The following KDM1B variants were observed in gnomAD, a reference collection of about 807,000 sequenced individuals.
KDM1B encodes the protein lysine demethylase 1B.
In KDM1B, 63 loss-of-function variants were observed where a neutral mutation model predicts 107.4. The ratio of observed to expected loss-of-function variants is 0.59; its 90% CI spans 0.48 to 0.72. The LOEUF (loss-of-function observed/expected upper bound fraction) is 0.72. Ranked by LOEUF, KDM1B falls within the 30% of genes least tolerant of loss-of-function variation. The pLI is 0.00. For missense variants in KDM1B, 749 were observed against 1,020.8 expected (o/e 0.73, Z 3.63); for synonymous variants, 363 against 363.9 (o/e 1.00, Z 0.03).
intron 7 of KDM1B, among the ~76,000 whole-genome samples, chr6:18,183,795 A>G: frequency 6.6e-6 from 1 of 152,006 alleles, no homozygotes; most frequent in East Asian, 1.9e-4. Flanking sequence ...TTAGAATTAC[A>G]TTGTGTGAAC....
At chr6:18,187,651 T>A in intron 8 of KDM1B, 141 bp from the exon 9 acceptor site, 1 of 632,992 alleles carries the variant, frequency 1.6e-6, no homozygotes, top group Non-Finnish European at 2.8e-6. Context: ...AGCTCTGGAA[T>A]AGAATTGTTA....
At chr6:18,196,565 T>G (rs773466898) in intron 10 of KDM1B, among the ~76,000 whole-genome samples, 4 of 152,176 alleles carry the variant, frequency 2.6e-5, no homozygotes, top group Admixed American at 6.6e-5. Context: ...CCTTGATGAT[T>G]AGTGATGGTG....
At position 18,155,695 on chromosome 6, in the gene KDM1B, C is replaced by G. The variant is rs1438377523; in HGVS notation, c.-58+124C>G. On this transcript the variant is annotated intron_variant, in intron 1 of 21. Transcript: ENST00000650836. This position sits in a 1 kb window ranked among gnomAD's most constrained non-coding sequence, Gnocchi z 6.2. The stretch of plus-strand genomic sequence containing the variant: ...TTTCCCCCTGTGCAGCGCCCCTCGC[C>G]GTGGTGGGAGGTGGGCGGGTGCCCC... 6.6e-6 allele frequency: 1 copy of G among 152,458 alleles called. No individual in the cohort carries two copies. The highest frequency in any genetic ancestry group is 2.4e-5 in the African/African-American group (1 of 41,446). The allele number at this position is 152,458 out of a possible 1,614,324, so 9.4% of individuals were successfully genotyped here. A position where few individuals can be genotyped will look rare whatever the true frequency, so the allele number is the denominator to read the frequency against.
rs1305191008 is a variant in KDM1B at position 18,191,394 on chromosome 6, A to G, written c.969+13A>G. The G allele has an allele frequency of 2.6e-6, 4 of 1,548,696 alleles. No homozygotes were observed. Among genetic ancestry groups the G allele is most frequent in the Non-Finnish European group, 3.5e-6 (4 of 1,145,180 alleles). On this transcript the variant is annotated intron_variant, in intron 10 of 21. Coordinates refer to ENST00000650836, the MANE Select transcript of KDM1B (RefSeq NM_001364614.2). This position sits in a 1 kb window ranked among gnomAD's most constrained non-coding sequence, Gnocchi z 5.1. ...TACTAACTGCAAAGTAAGTAAGGGC[A>G]TGTTAGCCAATAGCACTGGACAGAG...
chr6:18,185,679 T>G, intron 7 of KDM1B, 93 bp from the exon 8 acceptor site: 1 of 1,108,928 alleles, frequency 9.0e-7, no homozygotes, highest in South Asian at 1.2e-5. Flanking sequence ...GCCAGCCTGA[T>G]AGGTGAAAAG....
chr6:18,189,202 T>C (rs934104480), intron 9 of KDM1B, among the ~76,000 whole-genome samples: 3 of 152,314 alleles, frequency 2.0e-5, no homozygotes, highest in Admixed American at 6.5e-5. Flanking sequence ...ATTATGCAAA[T>C]AGATTTTTGC....
chr6:18,178,676 C>G (rs910545887), intron 7 of KDM1B, among the ~76,000 whole-genome samples: 3 of 152,186 alleles, frequency 2.0e-5, no homozygotes, highest in African/African-American at 7.2e-5. Context: ...TAGGTGTGAG[C>G]CACTGCACCC....
chr6:18,158,119 A>G (rs913501273), intron 2 of KDM1B, among the ~76,000 whole-genome samples: 10 of 152,094 alleles, frequency 6.6e-5, no homozygotes, highest in Non-Finnish European at 1.5e-4. Flanking sequence ...GCCGGTGGAT[A>G]GTACTTTGAA....
chr6:18,156,587 G>A (rs553583045), intron 2 of KDM1B, among the ~76,000 whole-genome samples: 1 of 152,196 alleles, frequency 6.6e-6, no homozygotes, highest in East Asian at 1.9e-4. Context: ...ATCAACAAAA[G>A]ATATCTAGGC....
chr6:18,155,889 CT>C lies in KDM1B; in HGVS notation c.-47del, dbSNP rs2150732663. 6.6e-6 allele frequency: 1 copy of C among 152,300 alleles called. No homozygotes were observed. The highest frequency in any genetic ancestry group is 1.5e-5 in the Non-Finnish European group (1 of 68,052). 9.4% of individuals were successfully genotyped at this position (152,300 alleles called of 1,614,324 possible). ...ATGTTTCCTTTCTGTACAGCGGTGCCTTTTCCCCGAGACTCCCGGCACCTCT... is the reference window on the plus strand; with the variant it reads ...ATGTTTCCTTTCTGTACAGCGGTGCCTTTCCCCGAGACTCCCGGCACCTCT... On this transcript the variant is annotated 5_prime_UTR_variant, in exon 2 of 22. Coordinates refer to ENST00000650836, the MANE Select transcript of KDM1B (RefSeq NM_001364614.2). The surrounding 1 kb of genome is among the most constrained non-coding windows in gnomAD (Gnocchi z 6.2).
In KDM1B at chr6:18,205,053, T is replaced by C. The variant is rs771401528; in HGVS notation, c.1532-484T>C. Among the ~76,000 whole-genome samples, 1 of 152,180 alleles carries C rather than the reference T, an allele frequency of 6.6e-6. No individual in the cohort carries two copies. The highest frequency in any genetic ancestry group is 1.5e-5 in the Non-Finnish European group (1 of 68,038). ...GATACAAGCCCATAATGGAATATTC[T>C]TGTTTGGGACAGACTGTAGCCAATA... On this transcript the variant is annotated intron_variant, in intron 14 of 21. Transcript: ENST00000650836. This position sits in a 1 kb window ranked among gnomAD's most constrained non-coding sequence, Gnocchi z 5.7.
rs1787300960 is a variant in KDM1B at position 18,191,831 on chromosome 6, C to G, written c.969+450C>G. 6.6e-6 allele frequency among the ~76,000 whole-genome samples: 1 copy of G among 152,052 alleles called. No individual in the cohort carries two copies. Among genetic ancestry groups the G allele is most frequent in the African/African-American group, 2.4e-5 (1 of 41,400 alleles). On this transcript the variant is annotated intron_variant, in intron 10 of 21. Coordinates refer to ENST00000650836, the MANE Select transcript of KDM1B (RefSeq NM_001364614.2). This position sits in a 1 kb window ranked among gnomAD's most constrained non-coding sequence, Gnocchi z 5.1. ...TGAGGACAGGAATTTTTATTCACCT[C>G]GGCATCCTAAATCAACCAAGACCAG...
At chr6:18,221,500 C>T (rs752988959) in intron 21 of KDM1B, among the ~76,000 whole-genome samples, 1 of 151,998 alleles carries the variant, frequency 6.6e-6, no homozygotes, top group African/African-American at 2.4e-5. Context: ...CTTTGAGTAA[C>T]GTAACTCTCT....
intron 17 of KDM1B, among the ~76,000 whole-genome samples, chr6:18,210,502 C>T (rs946595396): frequency 1.3e-5 from 2 of 151,586 alleles, no homozygotes; most frequent in Non-Finnish European, 2.9e-5. Flanking sequence ...GGACCACAAG[C>T]ACATGCCACC....
rs1318571112 is a variant in KDM1B at position 18,223,052 on chromosome 6, A to C, written c.*1060A>C. 1 of 152,568 alleles carries C rather than the reference A, an allele frequency of 6.6e-6. No individual in the cohort carries two copies. The highest frequency in any genetic ancestry group is 2.4e-5 in the African/African-American group (1 of 41,422). The allele number at this position is 152,568 out of a possible 1,614,324, so 9.5% of individuals were successfully genotyped here. A position where few individuals can be genotyped will look rare whatever the true frequency, so the allele number is the denominator to read the frequency against. On this transcript the variant is annotated 3_prime_UTR_variant, in exon 22 of 22. Transcript: ENST00000650836. ...TTTTTTTTAAAAACACTCATGACAGAAAACAGTTTAATAATATCTCATTCT... is the reference window on the plus strand; with the variant it reads ...TTTTTTTTAAAAACACTCATGACAGCAAACAGTTTAATAATATCTCATTCT...
Position 18,197,122 on chromosome 6 carries a change from C to T in KDM1B, c.1035C>T (p.Cys345=), listed in dbSNP as rs766865830. ...IIVRGLVRIR[C]VQEVERILYF... ...TCCGGGGTCTCGTGCGTATTCGATG[C>T]GTTCAGGAAGTGGAGAGAATACTGT... Residue 345 remains cysteine, a synonymous_variant, in exon 11 of 22, where the codon TGC becomes TGT. Coordinates refer to ENST00000650836, the MANE Select transcript of KDM1B (RefSeq NM_001364614.2). The surrounding 1 kb of genome is among the most constrained non-coding windows in gnomAD (Gnocchi z 4.5). 3.0e-5 allele frequency: 49 copies of T among 1,613,796 alleles called. No homozygotes were observed. The highest frequency in any genetic ancestry group is 4.0e-5 in the Non-Finnish European group (47 of 1,179,914).
At chr6:18,219,396 T>G (rs535190856) in intron 21 of KDM1B, among the ~76,000 whole-genome samples, 42 of 152,352 alleles carry the variant, frequency 2.8e-4, no homozygotes, top group African/African-American at 8.9e-4. Flanking sequence ...TTGGAACTTT[T>G]GAATTGAGCA....
At position 18,162,792 on chromosome 6, in the gene KDM1B, T is replaced by C. The variant is rs1300442260; in HGVS notation, c.216-43T>C. 2 of 1,112,168 alleles carry C rather than the reference T, an allele frequency of 1.8e-6. No homozygotes were observed. The highest frequency in any genetic ancestry group is 1.5e-5 in the African/African-American group (1 of 65,010). The allele number at this position is 1,112,168 out of a possible 1,614,324, so 68.9% of individuals were successfully genotyped here. On this transcript the variant is annotated intron_variant, in intron 4 of 21. Coordinates refer to ENST00000650836, the MANE Select transcript of KDM1B (RefSeq NM_001364614.2). The surrounding 1 kb of genome is among the most constrained non-coding windows in gnomAD (Gnocchi z 4.1). ...GTTTTTTAAAAAATGGGAGGAGAAA[T>C]GTTTATTCATTACCAAAGCTATATG...
At chr6:18,207,569 TG>T in intron 16 of KDM1B, 40 bp downstream of exon 16, 1 of 1,610,828 alleles carries the variant, frequency 6.2e-7, no homozygotes, top group South Asian at 1.1e-5. Context: ...TCGCCTTGTT[TG>T]GGGAGGATGT....
Sources: allele counts gnomAD v4.1 joint callset (sites outside exome capture counted in the v4.1 genomes callset), GRCh38; gene constraint gnomAD v4.1.1; non-coding constraint Gnocchi (gnomAD v3.1); transcripts MANE v1.5; gene names NCBI Gene and HGNC (gene_info 2026-07-23, HGNC 2026-07-21).